REEP1: variants seen among roughly 807,000 people sequenced by gnomAD.
The protein encoded by REEP1 is receptor expression-enhancing protein 1.
Under a neutral mutation model 40.3 loss-of-function variants are expected in REEP1, and 22 were observed. That is an observed-to-expected ratio of 0.55 (90% CI 0.39 to 0.78). The LOEUF (loss-of-function observed/expected upper bound fraction) is 0.78, where lower values mean the gene tolerates loss of function less well. Ranked by LOEUF, REEP1 falls within the 30% of genes least tolerant of loss-of-function variation. REEP1 has a pLI of 0.00. For missense variants in REEP1, 280 were observed against 361.1 expected, an observed-to-expected ratio of 0.78 and a Z score of 1.82; for synonymous variants, 116 against 139.2, an observed-to-expected ratio of 0.83 and a Z score of 1.17.
At chr2:86,288,029 A>ATTTTTTTTTTTTT (rs1558916443) in intron 1 of REEP1, among the ~76,000 whole-genome samples, 1 of 148,484 alleles carries the variant, frequency 6.7e-6, no homozygotes. Flanking sequence ...TTTTATTTTT[A>ATTTTTTTTTTTTT]TTATTTTTTT....
Position 86,232,778 on chromosome 2 carries a change from G to A in REEP1, c.442C>T (p.Leu148=), listed in dbSNP as rs1023429989. The A allele has an allele frequency of 1.2e-6, 2 of 1,603,124 alleles. No individual in the cohort carries two copies. The highest frequency in any genetic ancestry group is 2.7e-5 in the African/African-American group (2 of 74,924). The stretch of plus-strand genomic sequence containing the variant: ...AGGTCCTGCATGCTGAAGCTCCGCA[G>A]TCTCTCCGATAAGGCACCCTGTCCC... The part of the protein sequence containing the change: ...SKGQGALSER[L]RSFSMQDLTT... The change falls in exon 6 of 9, where the codon CTG becomes TTG. Residue 148 remains leucine, a synonymous_variant. Coordinates refer to ENST00000538924, the MANE Select transcript of REEP1 (RefSeq NM_001371279.1).
At chr2:86,321,090 G>A (rs2104514869) in intron 1 of REEP1, among the ~76,000 whole-genome samples, 1 of 152,294 alleles carries the variant, frequency 6.6e-6, no homozygotes, top group South Asian at 2.1e-4. Context: ...GAAGTGCTGG[G>A]ATTACAGGTG....
intron 3 of REEP1, among the ~76,000 whole-genome samples, chr2:86,260,176 G>A (rs1676782114): frequency 6.6e-6 from 1 of 152,148 alleles, no homozygotes; most frequent in South Asian, 2.1e-4. Flanking sequence ...TGGAGGTTGG[G>A]AGAAAAAGAG....
At chr2:86,232,256 TC>T (rs1423981747) in intron 6 of REEP1, among the ~76,000 whole-genome samples, 1 of 152,122 alleles carries the variant, frequency 6.6e-6, no homozygotes, top group African/African-American at 2.4e-5. Context: ...CAGGTATGCC[TC>T]CCCGGAGTCT....
At chr2:86,301,422 G>A (rs1193411978) in intron 1 of REEP1, among the ~76,000 whole-genome samples, 1 of 152,180 alleles carries the variant, frequency 6.6e-6, no homozygotes, top group Non-Finnish European at 1.5e-5. Context: ...CCACGTATTA[G>A]CTTTATGACT....
chr2:86,282,307 G>T, intron 1 of REEP1, 65 bp from the exon 2 acceptor site: 1 of 1,223,126 alleles, frequency 8.2e-7, no homozygotes, highest in African/African-American at 1.5e-5. Context: ...GAAAATGTCT[G>T]TCTTCAATGC....
At chr2:86,236,389 C>A (rs768384748) in intron 5 of REEP1, among the ~76,000 whole-genome samples, 27 of 152,310 alleles carry the variant, frequency 1.8e-4, no homozygotes, top group Middle Eastern at 3.4e-3. Flanking sequence ...CTGGGAAGAA[C>A]CACGAGTTGT....
chr2:86,328,051 A>T (rs1417093679), intron 1 of REEP1, among the ~76,000 whole-genome samples: 2 of 152,244 alleles, frequency 1.3e-5, no homozygotes, highest in East Asian at 3.9e-4. Flanking sequence ...ACTTGCTGAG[A>T]GCCTGGATTC....
At chr2:86,289,697 C>A (rs1416466349) in intron 1 of REEP1, among the ~76,000 whole-genome samples, 1 of 152,112 alleles carries the variant, frequency 6.6e-6, no homozygotes, top group East Asian at 1.9e-4. Flanking sequence ...CTCATGTCTT[C>A]TTTAATGTCT....
intron 5 of REEP1, among the ~76,000 whole-genome samples, chr2:86,237,278 C>T (rs1675412597): frequency 6.6e-6 from 1 of 152,090 alleles, no homozygotes; most frequent in African/African-American, 2.4e-5. Context: ...CTGGTATGAT[C>T]AAGAAAGTGG....
chr2:86,272,830 G>GGC (rs1677530086), intron 2 of REEP1, among the ~76,000 whole-genome samples: 1 of 152,088 alleles, frequency 6.6e-6, no homozygotes, highest in Non-Finnish European at 1.5e-5. Flanking sequence ...CAGCCAAAAT[G>GGC]ATTTTCTTAA....
At chr2:86,223,697 CAGA>C (rs954768523) in intron 7 of REEP1, 10 of 151,964 alleles carry the variant, frequency 6.6e-5, no homozygotes, top group African/African-American at 2.4e-4. Flanking sequence ...CTGCTATAAT[CAGA>C]AGGACACTGC....
rs141545793 is a variant in REEP1 at position 86,233,407 on chromosome 2, G to T, written c.418-605C>A. On this transcript the variant is annotated intron_variant, in intron 5 of 8. Transcript: ENST00000538924. ...TTTCAGCTTCATAAAATACCCAAAAGGTAATGAATCAGAAAGGAAAAAAAT... is the reference window on the plus strand; with the variant it reads ...TTTCAGCTTCATAAAATACCCAAAATGTAATGAATCAGAAAGGAAAAAAAT... 4.0e-3 allele frequency among the ~76,000 whole-genome samples: 615 copies of T among 151,960 alleles called. 5 individuals are homozygous for T. The highest frequency in any genetic ancestry group is 8.5e-3 in the South Asian group (41 of 4,818).
chr2:86,337,748 C>G, upstream of REEP1: 3 of 836,146 alleles, frequency 3.6e-6, no homozygotes, highest in Non-Finnish European at 4.4e-6. This position sits in a 1 kb window ranked among gnomAD's most constrained non-coding sequence, Gnocchi z 5.8. Context: ...GGGCGGTGAG[C>G]TGGTCAGGGC....
chr2:86,298,474 CTGGTGAGGCAGGAGTGAACACA>C (rs1161608853), intron 1 of REEP1, among the ~76,000 whole-genome samples: 3 of 152,232 alleles, frequency 2.0e-5, no homozygotes, highest in Admixed American at 2.0e-4. Context: ...TGTTCTATTG[CTGGTGAGGCAGGAGTGAACACA>C]TGAAGAGAGC....
In REEP1 at chr2:86,290,013, T is replaced by C. The variant is rs540306570; in HGVS notation, c.33-7771A>G. On this transcript the variant is annotated intron_variant, in intron 1 of 8. Transcript: ENST00000538924. Reference sequence around the variant, plus strand: ...TGCTCTTTCTTTCTTTTTTTGTTTTTTGAGATGGAGTCTCACTCTGTCACC... The same window carrying C: ...TGCTCTTTCTTTCTTTTTTTGTTTTCTGAGATGGAGTCTCACTCTGTCACC... Among the ~76,000 whole-genome samples, 85 of 152,286 alleles carry C rather than the reference T, an allele frequency of 5.6e-4. No individual in the cohort carries two copies. In the South Asian group the frequency reaches 0.017, roughly 31 times the overall value.
At chr2:86,237,280 A>T (rs982406974) in intron 5 of REEP1, among the ~76,000 whole-genome samples, 1 of 152,226 alleles carries the variant, frequency 6.6e-6, no homozygotes, top group Admixed American at 6.5e-5. Context: ...GGTATGATCA[A>T]GAAAGTGGCA....
Position 86,278,657 on chromosome 2 carries a change from A to C in REEP1, c.105+3513T>G, listed in dbSNP as rs548432015. ...CTCCCAACATGAGCATCTTTGTGGG[A>C]GGAAAGTCCTGTTATTTGGGCCCCT... On this transcript the variant is annotated intron_variant, in intron 2 of 8. Transcript: ENST00000538924. Among the ~76,000 whole-genome samples the C allele has an allele frequency of 2.0e-5, 3 of 152,234 alleles. No homozygotes were observed. In the South Asian group the frequency reaches 6.2e-4, roughly 32 times the overall value.
At chr2:86,253,198 T>C (rs1480907866) in intron 4 of REEP1, among the ~76,000 whole-genome samples, 2 of 152,192 alleles carry the variant, frequency 1.3e-5, no homozygotes, top group Admixed American at 6.5e-5. Flanking sequence ...GGAGAATTGC[T>C]GGAGCCCAGG....
Sources: allele counts gnomAD v4.1 joint callset (sites outside exome capture counted in the v4.1 genomes callset), GRCh38; gene constraint gnomAD v4.1.1; non-coding constraint Gnocchi (gnomAD v3.1); transcripts MANE v1.5; gene names NCBI Gene and HGNC (gene_info 2026-07-23, HGNC 2026-07-21).